The following CDK5RAP2 variants were observed in gnomAD, a reference collection of about 807,000 sequenced individuals.
CDK5RAP2 encodes the protein CDK5 regulatory subunit associated protein 2, also known as CDK5 regulatory subunit-associated protein 2.
CDK5RAP2 carries 147 observed loss-of-function variants against 232.9 expected under a neutral mutation model. The observed-to-expected ratio is 0.63, with a 90% confidence interval of 0.55 to 0.72. The LOEUF is 0.72. CDK5RAP2 is among the 30% of genes least tolerant of loss of function. CDK5RAP2 has a pLI of 0.00. For synonymous variants in CDK5RAP2, 833 were observed against 833.7 expected, an observed-to-expected ratio of 1.00 and a Z score of 0.01; for missense variants, 2,195 against 2,231.5, an observed-to-expected ratio of 0.98 and a Z score of 0.33.
At chr9:120,408,303 C>T (rs767322425) in intron 31 of CDK5RAP2, 44 bp downstream of exon 31, 1 of 1,611,940 alleles carries the variant, frequency 6.2e-7, no homozygotes, top group South Asian at 1.1e-5. Context: ...GGTGGTCTTA[C>T]AGCCCAAAGC....
chr9:120,579,900 C>T lies in CDK5RAP2; in HGVS notation c.59+20G>A. The T allele has an allele frequency of 1.2e-6, 2 of 1,606,164 alleles. No individual in the cohort carries two copies. The highest frequency in any genetic ancestry group is 1.7e-6 in the Non-Finnish European group (2 of 1,172,858). ...GGAACCCCGGCCCGGTTACCACGAC[C>T]ACCAATGCCCCGGCCGCACCTGCAG... On this transcript the variant is annotated intron_variant, in intron 1 of 37. Coordinates refer to ENST00000349780, the MANE Select transcript of CDK5RAP2 (RefSeq NM_018249.6).
intron 26 of CDK5RAP2, among the ~76,000 whole-genome samples, chr9:120,422,398 G>T (rs2034620056): frequency 6.6e-6 from 1 of 152,196 alleles, no homozygotes; most frequent in African/African-American, 2.4e-5. Context: ...AGGCTAAGGA[G>T]TCTGGAGTTT....
chr9:120,442,073 A>T (rs2035931979), intron 23 of CDK5RAP2, among the ~76,000 whole-genome samples: 1 of 152,230 alleles, frequency 6.6e-6, no homozygotes, highest in Non-Finnish European at 1.5e-5. Context: ...TCATGGCAAG[A>T]AGCGTGTTCA....
At chr9:120,397,544 T>TTAAA (rs2032590582) in intron 35 of CDK5RAP2, among the ~76,000 whole-genome samples, 1 of 49,196 alleles carries the variant, frequency 2.0e-5, no homozygotes, top group African/African-American at 8.8e-5. Context: ...AAAACATTCT[T>TTAAA]AAAAAAAAAA....
chr9:120,579,526 G>C (rs1475339984), intron 1 of CDK5RAP2, among the ~76,000 whole-genome samples: 1 of 152,104 alleles, frequency 6.6e-6, no homozygotes, highest in Non-Finnish European at 1.5e-5. Flanking sequence ...TGGGCATACC[G>C]GCTACACTCT....
intron 10 of CDK5RAP2, among the ~76,000 whole-genome samples, chr9:120,527,458 AGT>A (rs1486062258): frequency 6.6e-6 from 1 of 151,910 alleles, no homozygotes; most frequent in African/African-American, 2.4e-5. Flanking sequence ...GAAAAAAAAA[AGT>A]GTTGACTATC....
chr9:120,504,511 C>T (rs2131735933), intron 12 of CDK5RAP2, among the ~76,000 whole-genome samples: 1 of 152,312 alleles, frequency 6.6e-6, no homozygotes, highest in East Asian at 1.9e-4. Context: ...ACCCCGCATC[C>T]CACTGCCTCT....
intron 25 of CDK5RAP2, among the ~76,000 whole-genome samples, chr9:120,430,032 T>C (rs1407985625): frequency 6.6e-6 from 1 of 152,180 alleles, no homozygotes; most frequent in Non-Finnish European, 1.5e-5. Context: ...ATTTAATAAA[T>C]GGTGTTGGCA....
chr9:120,523,138 A>G lies in CDK5RAP2; in HGVS notation c.1092+1848T>C, dbSNP rs184307769. Among the ~76,000 whole-genome samples, 40 of 152,346 alleles carry G rather than the reference A, an allele frequency of 2.6e-4. No individual in the cohort carries two copies. The East Asian group carries it at 7.7e-3, about 29-fold the overall frequency. ...ACAGTTCCTGATCTCTGTGTGCTGC[A>G]AGATAAGAAACTTGACCAACACTGT... On this transcript the variant is annotated intron_variant, in intron 11 of 37. Transcript: ENST00000349780.
chr9:120,575,281 G>A (rs2042992389), intron 1 of CDK5RAP2, among the ~76,000 whole-genome samples: 1 of 151,946 alleles, frequency 6.6e-6, no homozygotes, highest in African/African-American at 2.4e-5. Flanking sequence ...TTGAACTCCT[G>A]AGCTCAGGTG....
intron 22 of CDK5RAP2, among the ~76,000 whole-genome samples, chr9:120,445,347 C>G (rs1278869883): frequency 6.6e-6 from 1 of 152,230 alleles, no homozygotes; most frequent in Admixed American, 6.5e-5. Flanking sequence ...TTACTGTAAT[C>G]ATCCATGGTC....
chr9:120,518,204 TGTGTGTGA>T (rs1370669452), intron 12 of CDK5RAP2, among the ~76,000 whole-genome samples: 38 of 107,344 alleles, frequency 3.5e-4, no homozygotes, highest in African/African-American at 1.5e-3. Flanking sequence ...TGTGTGTGTG[TGTGTGTGA>T]GAGAGAGAGA....
chr9:120,564,617 A>G (rs922249043), intron 3 of CDK5RAP2, among the ~76,000 whole-genome samples: 1 of 152,210 alleles, frequency 6.6e-6, no homozygotes, highest in African/African-American at 2.4e-5. Flanking sequence ...AAGGTTATAT[A>G]AATTATGGCT....
intron 25 of CDK5RAP2, among the ~76,000 whole-genome samples, chr9:120,431,354 G>C (rs965343971): frequency 2.6e-5 from 4 of 152,186 alleles, no homozygotes; most frequent in Admixed American, 6.5e-5. Context: ...GGTAGACTGT[G>C]AAAGTGAACT....
At chr9:120,512,008 G>C (rs1285631719) in intron 12 of CDK5RAP2, among the ~76,000 whole-genome samples, 1 of 152,048 alleles carries the variant, frequency 6.6e-6, no homozygotes, top group African/African-American at 2.4e-5. Flanking sequence ...AAAGTGCTGG[G>C]ATTACAGGCG....
intron 14 of CDK5RAP2, among the ~76,000 whole-genome samples, chr9:120,481,453 T>C (rs368584261): frequency 1.2e-4 from 18 of 152,226 alleles, no homozygotes; most frequent in South Asian, 4.2e-4. Flanking sequence ...TTATGAACCA[T>C]GTGACCTTGA....
intron 25 of CDK5RAP2, among the ~76,000 whole-genome samples, chr9:120,424,530 T>G (rs762142809): frequency 5.3e-5 from 8 of 152,086 alleles, no homozygotes; most frequent in Non-Finnish European, 1.2e-4. Flanking sequence ...ACATTTTTCA[T>G]CTCATACCTG....
At chr9:120,534,077 A>AT (rs2131949106) in intron 7 of CDK5RAP2, among the ~76,000 whole-genome samples, 1 of 152,216 alleles carries the variant, frequency 6.6e-6, no homozygotes, top group Admixed American at 6.5e-5. Flanking sequence ...CTAAATTTAA[A>AT]TCTGATCTTG....
At chr9:120,515,284 T>A (rs1028053908) in intron 12 of CDK5RAP2, among the ~76,000 whole-genome samples, 1 of 152,094 alleles carries the variant, frequency 6.6e-6, no homozygotes, top group Non-Finnish European at 1.5e-5. Flanking sequence ...CTCATCTATA[T>A]AAAGTCACAC....
Sources: gnomAD v4.1 joint callset for allele counts (sites outside exome capture counted in the v4.1 genomes callset) on GRCh38, gnomAD v4.1.1 for gene constraint, MANE v1.5 for transcripts, NCBI Gene and HGNC (gene_info 2026-07-23, HGNC 2026-07-21) for gene names.